SYCP2L: variants seen among roughly 807,000 people sequenced by gnomAD.
SYCP2L encodes synaptonemal complex protein 2 like.
A neutral mutation model predicts 125.8 loss-of-function variants in SYCP2L; 98 were observed. That is an observed-to-expected ratio of 0.78 (90% CI 0.66 to 0.92). The LOEUF is 0.92. SYCP2L is among the 40% of genes least tolerant of loss of function. The pLI is 0.00. For synonymous variants in SYCP2L, 317 were observed against 325.4 expected, an observed-to-expected ratio of 0.97 and a Z score of 0.28; for missense variants, 842 against 936.4, an observed-to-expected ratio of 0.90 and a Z score of 1.32.
At chr6:10,926,614 G>T (rs1029780754) in intron 16 of SYCP2L, among the ~76,000 whole-genome samples, 182 bp downstream of exon 16, 6 of 152,066 alleles carry the variant, frequency 3.9e-5, no homozygotes, top group Non-Finnish European at 8.8e-5. Context: ...GGTCTCTCTT[G>T]TGGGTCAACT....
chr6:10,888,390 C>G (rs1043967153), intron 1 of SYCP2L, among the ~76,000 whole-genome samples: 6 of 151,810 alleles, frequency 4.0e-5, no homozygotes, highest in African/African-American at 1.2e-4. Context: ...CCACAGCGCC[C>G]GGCTATCATC....
In SYCP2L at chr6:10,961,384, C is replaced by T. The variant is rs180968788; in HGVS notation, c.2335C>T (p.His779Tyr). 6.2e-7 allele frequency: 1 copy of T among 1,614,164 alleles called. No homozygotes were observed. Among genetic ancestry groups the T allele is most frequent in the East Asian group, 2.2e-5 (1 of 44,886 alleles). Residue 779 changes from histidine to tyrosine, a missense_variant, in exon 27 of 30, where the codon CAC becomes TAC. By Grantham distance (83) the His-to-Tyr change is moderately conservative. Coordinates refer to ENST00000283141, the MANE Select transcript of SYCP2L (RefSeq NM_001040274.3). ...SLKQDIQALE[H>Y]LEKEVLEFWG... is the part of the protein sequence containing the mutation. ...TAAGCAGGATATTCAGGCCCTGGAA[C>T]ACCTTGAGAAGGAGGTTCTGGTAAG...
intron 26 of SYCP2L, among the ~76,000 whole-genome samples, chr6:10,960,522 A>G (rs866288377): frequency 6.6e-6 from 1 of 152,254 alleles, no homozygotes; most frequent in Admixed American, 6.5e-5. Flanking sequence ...CAAGCAAATA[A>G]GAAAATTAAC....
chr6:10,913,044 G>C, intron 14 of SYCP2L, 117 bp downstream of exon 14: 1 of 936,968 alleles, frequency 1.1e-6, no homozygotes, highest in Non-Finnish European at 1.6e-6. Flanking sequence ...AGGTAGGAAG[G>C]CTGTATGGTA....
intron 23 of SYCP2L, among the ~76,000 whole-genome samples, chr6:10,951,052 C>T (rs1009294516): frequency 6.6e-6 from 1 of 152,058 alleles, no homozygotes; most frequent in Admixed American, 6.6e-5. Context: ...GAGGATAGTT[C>T]CTTCCTAGCT....
At chr6:10,964,114 C>T (rs546601548) in intron 29 of SYCP2L, among the ~76,000 whole-genome samples, 50 of 152,120 alleles carry the variant, frequency 3.3e-4, no homozygotes, top group Admixed American at 1.2e-3. Flanking sequence ...CCCGCCACCA[C>T]GCCCGGCTAA....
At chr6:10,909,141 T>TTTTTTTTTTTTTA (rs1780559043) in intron 10 of SYCP2L, among the ~76,000 whole-genome samples, 1 of 111,536 alleles carries the variant, frequency 9.0e-6, no homozygotes, top group African/African-American at 3.2e-5. Flanking sequence ...TTTTTTTTTT[T>TTTTTTTTTTTTTA]GAGACAGAGT....
intron 28 of SYCP2L, 136 bp downstream of exon 28, chr6:10,961,694 C>T (rs944287194): frequency 5.0e-6 from 4 of 794,982 alleles, no homozygotes; most frequent in Non-Finnish European, 8.2e-6. Context: ...CCGGCCACTT[C>T]TGTGGCACCT....
intron 4 of SYCP2L, 52 bp downstream of exon 4, chr6:10,894,256 G>C (rs1307475588): frequency 6.3e-7 from 1 of 1,583,616 alleles, no homozygotes. Context: ...AGAGAACTTA[G>C]GTGGATTTAG....
rs1219616748 is a variant in SYCP2L, at chr6:10,961,343, A to C, written c.2294A>C (p.Gln765Pro). 1 of 1,614,168 alleles carries C rather than the reference A, an allele frequency of 6.2e-7. No homozygotes were observed. ...KLERFQNLVLQELSSLKQDIQ... is the reference protein window; with the variant it reads ...KLERFQNLVLPELSSLKQDIQ... ...GAGCGCTTTCAAAATTTGGTTCTTC[A>C]AGAGTTGAGCAGTCTTAAGCAGGAT... The change falls in exon 27 of 30, where the codon CAA becomes CCA. Residue 765 changes from glutamine to proline, a missense_variant. By Grantham distance (76) the Gln-to-Pro change is moderately conservative (BLOSUM62 -1). Transcript: ENST00000283141.
intron 10 of SYCP2L, among the ~76,000 whole-genome samples, chr6:10,908,993 G>C (rs773096671): frequency 6.6e-6 from 1 of 152,032 alleles, no homozygotes; most frequent in Non-Finnish European, 1.5e-5. Flanking sequence ...GCGCTCACGT[G>C]TTAATTTCCT....
chr6:10,915,683 G>A lies in SYCP2L; in HGVS notation c.1072+2756G>A, dbSNP rs139013007. On this transcript the variant is annotated intron_variant, in intron 14 of 29. Coordinates refer to ENST00000283141, the MANE Select transcript of SYCP2L (RefSeq NM_001040274.3). Reference sequence around the variant, plus strand: ...CCTGGTATGAAACCCACCTGATGATGGTGGATTATCTTTTTGATATGTCGT... The same window carrying A: ...CCTGGTATGAAACCCACCTGATGATAGTGGATTATCTTTTTGATATGTCGT... Among the ~76,000 whole-genome samples, 67 of 152,240 alleles carry A rather than the reference G, an allele frequency of 4.4e-4. No homozygotes were observed. The East Asian group carries it at 0.013, about 29-fold the overall frequency.
chr6:10,921,125 T>C (rs1457070746), intron 14 of SYCP2L, among the ~76,000 whole-genome samples: 1 of 152,174 alleles, frequency 6.6e-6, no homozygotes, highest in African/African-American at 2.4e-5. Context: ...AGTGAGAACA[T>C]GCGGTGTTTG....
At chr6:10,916,646 T>A (rs1780699476) in intron 14 of SYCP2L, among the ~76,000 whole-genome samples, 1 of 152,196 alleles carries the variant, frequency 6.6e-6, no homozygotes, top group African/African-American at 2.4e-5. Flanking sequence ...CCTTTTGGAG[T>A]TGATTTCCAG....
chr6:10,961,314 A>ACG lies in SYCP2L; in HGVS notation c.2266_2267insGC (p.Leu756ArgfsTer2). 6.2e-7 allele frequency: 1 copy of ACG among 1,614,042 alleles called. No homozygotes were observed. The highest frequency in any genetic ancestry group is 8.5e-7 in the Non-Finnish European group (1 of 1,179,910). On this transcript the variant is annotated frameshift_variant, in exon 27 of 30. Transcript: ENST00000283141. LOFTEE classifies it high-confidence loss of function. ...CTTTTATGTTTATTAGACTCAATAA[A>ACG]CTAGAGCGCTTTCAAAATTTGGTTC...
chr6:10,964,698 A>G (rs1781650592), intron 29 of SYCP2L, among the ~76,000 whole-genome samples: 2 of 152,168 alleles, frequency 1.3e-5, no homozygotes, highest in South Asian at 4.1e-4. Flanking sequence ...TAAAAGATAC[A>G]TTTTTTGAAG....
intron 2 of SYCP2L, among the ~76,000 whole-genome samples, chr6:10,893,204 G>A (rs1780204854): frequency 6.6e-6 from 1 of 151,994 alleles, no homozygotes; most frequent in African/African-American, 2.4e-5. Flanking sequence ...CTCCATGTTG[G>A]TCAGGCTGGT....
chr6:10,945,007 C>T (rs1781283939), intron 23 of SYCP2L, among the ~76,000 whole-genome samples: 1 of 152,212 alleles, frequency 6.6e-6, no homozygotes, highest in African/African-American at 2.4e-5. Flanking sequence ...AGCCACCGTG[C>T]CCGGCCTAAA....
chr6:10,969,360 T>C (rs939964023), intron 29 of SYCP2L, among the ~76,000 whole-genome samples: 53 of 47,408 alleles, frequency 1.1e-3, no homozygotes, highest in African/African-American at 3.4e-3. Context: ...GAAATTATCT[T>C]TTTTTTTTTT....
Sources: allele counts gnomAD v4.1 joint callset (sites outside exome capture counted in the v4.1 genomes callset), GRCh38; gene constraint gnomAD v4.1.1; transcripts MANE v1.5; gene names NCBI Gene and HGNC (gene_info 2026-07-23, HGNC 2026-07-21).